DCPS: variants seen among roughly 807,000 people sequenced by gnomAD.
DCPS encodes m7GpppX diphosphatase.
Under a neutral mutation model 34.7 loss-of-function variants are expected in DCPS, and 27 were observed. That is an observed-to-expected ratio of 0.78 (90% confidence interval 0.57 to 1.07). The LOEUF is 1.07. DCPS is among the 50% of genes least tolerant of loss of function. DCPS has a pLI of 0.00. For synonymous variants in DCPS, 185 were observed against 185.7 expected (o/e 1.00, Z 0.03); for missense variants, 464 against 436.9 (o/e 1.06, Z -0.55).
chr11:126,306,327 C>T (rs1451095139), intron 1 of DCPS, among the ~76,000 whole-genome samples: 6 of 151,670 alleles, frequency 4.0e-5, no homozygotes, highest in Admixed American at 2.0e-4. Flanking sequence ...GAGCCAAGAT[C>T]GCGCCATTGC....
intron 1 of DCPS, 146 bp from the exon 2 acceptor site, chr11:126,306,424 A>G: frequency 1.2e-6 from 1 of 804,302 alleles, no homozygotes; most frequent in South Asian, 2.5e-5. Flanking sequence ...TGTGAGTGCC[A>G]TTGGCTAGAC....
In DCPS at chr11:126,331,649, G is replaced by T. The variant is rs765641186; in HGVS notation, c.522+99G>T. The T allele has an allele frequency of 1.6e-5, 23 of 1,458,850 alleles. No homozygotes were observed. Among genetic ancestry groups the T allele is most frequent in the Non-Finnish European group, 2.1e-5 (23 of 1,083,262 alleles). The allele number at this position is 1,458,850 out of a possible 1,614,324, so 90.4% of individuals were successfully genotyped here. A position where few individuals can be genotyped will look rare whatever the true frequency, so the allele number is the denominator to read the frequency against. On this transcript the variant is annotated intron_variant, in intron 3 of 5. Transcript: ENST00000263579. The surrounding 1 kb of genome is among the most constrained non-coding windows in gnomAD (Gnocchi z 7.2). ...GGTCATATTAGGGGCCAGGCGCTGTGCTGGGCGAGGGGATGGGGGTACAGT... is the reference window on the plus strand; with the variant it reads ...GGTCATATTAGGGGCCAGGCGCTGTTCTGGGCGAGGGGATGGGGGTACAGT...
In DCPS at chr11:126,325,700, A is replaced by T. The variant is rs144794972; in HGVS notation, c.377-5705A>T. On this transcript the variant is annotated intron_variant, in intron 2 of 5. Transcript: ENST00000263579. The surrounding 1 kb of genome is among the most constrained non-coding windows in gnomAD (Gnocchi z 4.3). ...TACAATTTGAATTAAAAAGACAAACACAGTGTTAAAAAGCATGACAGGGGA... is the reference window on the plus strand; with the variant it reads ...TACAATTTGAATTAAAAAGACAAACTCAGTGTTAAAAAGCATGACAGGGGA... Among the ~76,000 whole-genome samples the T allele has an allele frequency of 1.3e-3, 193 of 152,264 alleles. No individual in the cohort carries two copies. Among genetic ancestry groups the T allele is most frequent in the African/African-American group, 4.5e-3 (189 of 41,556 alleles).
At chr11:126,343,657 C>T (rs939992394) in intron 5 of DCPS, among the ~76,000 whole-genome samples, 21 of 152,198 alleles carry the variant, frequency 1.4e-4, no homozygotes, top group African/African-American at 5.1e-4. Context: ...CTGGGATGCA[C>T]TTCCACCCCT....
intron 2 of DCPS, among the ~76,000 whole-genome samples, chr11:126,307,050 C>T (rs1052807696): frequency 6.6e-6 from 1 of 151,998 alleles, no homozygotes; most frequent in African/African-American, 2.4e-5. Context: ...AGAAACCTGG[C>T]CAGGCATGGT....
At position 126,345,334 on chromosome 11, in the gene DCPS, C is replaced by T; in HGVS notation, c.748-13C>T. ...CACGGTGACTCCTGACCTGCCTGCC[C>T]CTGTCTCATCAGGAGGCCATCCTGC... On this transcript the variant is annotated splice_polypyrimidine_tract_variant and intron_variant, in intron 5 of 5. Transcript: ENST00000263579. The surrounding 1 kb of genome is among the most constrained non-coding windows in gnomAD (Gnocchi z 7.4). The T allele has an allele frequency of 1.2e-6, 2 of 1,613,352 alleles. No homozygotes were observed. Among genetic ancestry groups the T allele is most frequent in the Middle Eastern group, 1.7e-4 (1 of 6,056 alleles).
chr11:126,306,834 A>T (rs1241364962), intron 2 of DCPS, 90 bp downstream of exon 2: 1 of 1,421,640 alleles, frequency 7.0e-7, no homozygotes, highest in Admixed American at 2.2e-5. Flanking sequence ...TCTATACCCG[A>T]TTTGCATATT....
chr11:126,333,062 C>T lies in DCPS; in HGVS notation c.522+1512C>T, dbSNP rs887375271. Among the ~76,000 whole-genome samples, 1 of 152,104 alleles carries T rather than the reference C, an allele frequency of 6.6e-6. No homozygotes were observed. The highest frequency in any genetic ancestry group is 2.4e-5 in the African/African-American group (1 of 41,426). Reference sequence around the variant, plus strand: ...TTTGCCATGTTGCTCAGGCTGGCCTCGAACTCCTGAGCTCAGGCAGTCCGC... The same window carrying T: ...TTTGCCATGTTGCTCAGGCTGGCCTTGAACTCCTGAGCTCAGGCAGTCCGC... On this transcript the variant is annotated intron_variant, in intron 3 of 5. Transcript: ENST00000263579. This position sits in a 1 kb window ranked among gnomAD's most constrained non-coding sequence, Gnocchi z 5.7.
At position 126,330,719 on chromosome 11, in the gene DCPS, A is replaced by ATTT. The variant is rs1167717646; in HGVS notation, c.377-654_377-652dup. 2.0e-3 allele frequency among the ~76,000 whole-genome samples: 37 copies of ATTT among 18,886 alleles called. 7 individuals carry two copies. The highest frequency in any genetic ancestry group is 2.7e-3 in the Non-Finnish European group (31 of 11,336). The allele number at this position is 18,886 out of a possible 152,430, so 12.4% of individuals were successfully genotyped here. On this transcript the variant is annotated intron_variant, in intron 2 of 5. Coordinates refer to ENST00000263579, the MANE Select transcript of DCPS (RefSeq NM_014026.6). ...TATATATATATATATATATATATATATTTTTTTTTTTTTTTTTTTTTTTTT... is the reference window on the plus strand; with the variant it reads ...TATATATATATATATATATATATATATTTTTTTTTTTTTTTTTTTTTTTTTTTT...
intron 1 of DCPS, among the ~76,000 whole-genome samples, chr11:126,305,413 C>CTTTTTTTTTTTTTTTTTTTTTT (rs1165260410): frequency 1.5e-5 from 1 of 68,296 alleles, no homozygotes; most frequent in Non-Finnish European, 2.8e-5. Context: ...CCGCACCCGC[C>CTTTTTTTTTTTTTTTTTTTTTT]TTTTTTTTTT....
At chr11:126,324,676 A>G (rs1220861465) in intron 2 of DCPS, among the ~76,000 whole-genome samples, 5 of 118,138 alleles carry the variant, frequency 4.2e-5, no homozygotes, top group Non-Finnish European at 6.5e-5. Context: ...GGATCTCACT[A>G]TGTTGCTCAG....
chr11:126,306,444 G>C, intron 1 of DCPS, 126 bp from the exon 2 acceptor site: 1 of 1,070,364 alleles, frequency 9.3e-7, no homozygotes, highest in Non-Finnish European at 1.3e-6. Context: ...CTTCCCCAGA[G>C]GGAAGACTTC....
At chr11:126,326,161 G>A (rs1483745386) in intron 2 of DCPS, among the ~76,000 whole-genome samples, 1 of 152,234 alleles carries the variant, frequency 6.6e-6, no homozygotes, top group Non-Finnish European at 1.5e-5. Flanking sequence ...CCCAGCAGGA[G>A]GGTGGGACTG....
Position 126,329,998 on chromosome 11 carries a change from T to C in DCPS, c.377-1407T>C, listed in dbSNP as rs1344461528. Among the ~76,000 whole-genome samples, 1 of 152,176 alleles carries C rather than the reference T, an allele frequency of 6.6e-6. No homozygotes were observed. Among genetic ancestry groups the C allele is most frequent in the Non-Finnish European group, 1.5e-5 (1 of 68,032 alleles). On this transcript the variant is annotated intron_variant, in intron 2 of 5. Coordinates refer to ENST00000263579, the MANE Select transcript of DCPS (RefSeq NM_014026.6). The surrounding 1 kb of genome is among the most constrained non-coding windows in gnomAD (Gnocchi z 5.0). Reference sequence around the variant, plus strand: ...GATTTGGAAATACCCCTAAGATCTATGTTAAAACACAATGTATACATGTTA... The same window carrying C: ...GATTTGGAAATACCCCTAAGATCTACGTTAAAACACAATGTATACATGTTA...
At position 126,325,848 on chromosome 11, in the gene DCPS, G is replaced by A. The variant is rs1391260027; in HGVS notation, c.377-5557G>A. Reference sequence around the variant, plus strand: ...GAATGCCAGCAGGAAGGCCAGGCGCGGTGGCTCACACCTGTAATCCCAGCA... The same window carrying A: ...GAATGCCAGCAGGAAGGCCAGGCGCAGTGGCTCACACCTGTAATCCCAGCA... On this transcript the variant is annotated intron_variant, in intron 2 of 5. Coordinates refer to ENST00000263579, the MANE Select transcript of DCPS (RefSeq NM_014026.6). The surrounding 1 kb of genome is among the most constrained non-coding windows in gnomAD (Gnocchi z 4.3). Among the ~76,000 whole-genome samples the A allele has an allele frequency of 3.9e-5, 6 of 152,188 alleles. No homozygotes were observed. Among genetic ancestry groups the A allele is most frequent in the Middle Eastern group, 3.4e-3 (1 of 294 alleles).
Position 126,343,426 on chromosome 11 carries a change from C to T in DCPS, c.747+9C>T. The T allele has an allele frequency of 6.2e-7, 1 of 1,603,954 alleles. No homozygotes were observed. Among genetic ancestry groups the T allele is most frequent in the Non-Finnish European group, 8.5e-7 (1 of 1,172,390 alleles). On this transcript the variant is annotated intron_variant, in intron 5 of 5. Transcript: ENST00000263579. ...TCCTCCACCAGGGGCAGGTGAGTGG[C>T]TTCACCAAACCACGTGGAAGCTCAG...
Position 126,348,033 on chromosome 11 carries a change from T to C in DCPS, c.*2420T>C, listed in dbSNP as rs1371254970. 6.6e-6 allele frequency among the ~76,000 whole-genome samples: 1 copy of C among 151,414 alleles called. No individual in the cohort carries two copies. Among genetic ancestry groups the C allele is most frequent in the Non-Finnish European group, 1.5e-5 (1 of 67,926 alleles). On this transcript the variant is annotated 3_prime_UTR_variant, in exon 6 of 6. Coordinates refer to ENST00000263579, the MANE Select transcript of DCPS (RefSeq NM_014026.6). This position sits in a 1 kb window ranked among gnomAD's most constrained non-coding sequence, Gnocchi z 5.3. ...CCGCTGACCTTGCCGTTCCTTCCCCTCATCTCGTAGCGCCTGGCCCCTGGA... is the reference window on the plus strand; with the variant it reads ...CCGCTGACCTTGCCGTTCCTTCCCCCCATCTCGTAGCGCCTGGCCCCTGGA...
In DCPS at chr11:126,329,712, C is replaced by G; in HGVS notation, c.377-1693C>G. 6.6e-6 allele frequency among the ~76,000 whole-genome samples: 1 copy of G among 152,204 alleles called. No individual in the cohort carries two copies. The highest frequency in any genetic ancestry group is 1.5e-5 in the Non-Finnish European group (1 of 68,034). On this transcript the variant is annotated intron_variant, in intron 2 of 5. Transcript: ENST00000263579. The surrounding 1 kb of genome is among the most constrained non-coding windows in gnomAD (Gnocchi z 5.0). ...CGTTTCACGGTGTGATACTGGATGA[C>G]TCTTTTGAGTCCCAGCCCACCCTCT...
At chr11:126,309,188 G>C (rs1951600212) in intron 2 of DCPS, among the ~76,000 whole-genome samples, 1 of 152,096 alleles carries the variant, frequency 6.6e-6, no homozygotes, top group Non-Finnish European at 1.5e-5. Context: ...ACCACGCCCA[G>C]CTAATTTTTG....
Sources: gnomAD v4.1 joint callset for allele counts (sites outside exome capture counted in the v4.1 genomes callset) on GRCh38, gnomAD v4.1.1 for gene constraint, Gnocchi (gnomAD v3.1) non-coding constraint, MANE v1.5 for transcripts, NCBI Gene and HGNC (gene_info 2026-07-23, HGNC 2026-07-21) for gene names.